Variants in RBFOX1 observed in about 807,000 individuals in gnomAD.
The protein encoded by RBFOX1 is RNA binding fox-1 homolog 1.
In RBFOX1, 8 loss-of-function variants were observed where a neutral mutation model predicts 57.7. The ratio of observed to expected loss-of-function variants is 0.14; its 90% CI spans 0.08 to 0.25. The LOEUF is 0.25. Ranked by LOEUF, RBFOX1 falls within the 10% of genes least tolerant of loss-of-function variation. The probability of loss-of-function intolerance (pLI) is 1.00; values close to 1 mark genes in which losing one functional copy is unlikely to be tolerated. For missense variants in RBFOX1, 611 were observed against 548.5 expected, an observed-to-expected ratio of 1.11 and a Z score of -1.14; for synonymous variants, 326 against 222.4, an observed-to-expected ratio of 1.47 and a Z score of -4.15.
chr16:7,309,340 G>C (rs1341705174), intron 4 of RBFOX1, among the ~76,000 whole-genome samples: 1 of 152,220 alleles, frequency 6.6e-6, no homozygotes, highest in Non-Finnish European at 1.5e-5. Flanking sequence ...TGTGGACATG[G>C]ACTGCAGGGC....
chr16:7,481,085 C>T (rs2063822547), intron 4 of RBFOX1, among the ~76,000 whole-genome samples: 1 of 152,164 alleles, frequency 6.6e-6, no homozygotes, highest in Non-Finnish European at 1.5e-5. Flanking sequence ...TTGCTCCTTA[C>T]ATCTGGACAG....
chr16:6,943,625 G>T (rs940110919), intron 3 of RBFOX1, among the ~76,000 whole-genome samples: 14 of 151,640 alleles, frequency 9.2e-5, no homozygotes, highest in African/African-American at 3.1e-4. Flanking sequence ...GGAGAATGGC[G>T]TGAACCCGGG....
intron 4 of RBFOX1, among the ~76,000 whole-genome samples, chr16:7,262,531 G>C (rs1235311137): frequency 6.6e-6 from 1 of 152,246 alleles, no homozygotes; most frequent in Non-Finnish European, 1.5e-5. Context: ...ACATTTGCAG[G>C]CATGCATAGC....
At chr16:5,775,718 C>A (rs1051518783) in intron 3 of RBFOX1, among the ~76,000 whole-genome samples, 2 of 152,122 alleles carry the variant, frequency 1.3e-5, no homozygotes, top group African/African-American at 2.4e-5. Flanking sequence ...ATCCTTAGAG[C>A]CTGCTAACTT....
At chr16:7,492,202 C>T (rs907795064) in intron 4 of RBFOX1, among the ~76,000 whole-genome samples, 4 of 152,144 alleles carry the variant, frequency 2.6e-5, no homozygotes, top group African/African-American at 7.2e-5. Flanking sequence ...GCATAAAATT[C>T]AGTTCTTTAA....
chr16:6,820,756 C>T (rs984195418), intron 3 of RBFOX1, among the ~76,000 whole-genome samples: 11 of 152,110 alleles, frequency 7.2e-5, no homozygotes, highest in Non-Finnish European at 1.3e-4. Context: ...GGCCTCAAAT[C>T]GATGCTAAGT....
In RBFOX1 at chr16:7,213,279, A is replaced by C. The variant is rs1036574255; in HGVS notation, c.27+161181A>C. Among the ~76,000 whole-genome samples the C allele has an allele frequency of 2.0e-5, 3 of 152,312 alleles. No homozygotes were observed. In the South Asian group the frequency reaches 6.2e-4, roughly 32 times the overall value. ...AGTGGTTCCCCATTCTGGCTGCAAC[A>C]CATTCGCTGAGGTTGCCTTAAAAAA... On this transcript the variant is annotated intron_variant, in intron 4 of 15. Transcript: ENST00000550418.
At chr16:6,720,225 G>A (rs1004360057) in intron 3 of RBFOX1, among the ~76,000 whole-genome samples, 2 of 151,994 alleles carry the variant, frequency 1.3e-5, no homozygotes, top group African/African-American at 2.4e-5. Context: ...GATACTTAAT[G>A]AAATACTGCT....
chr16:6,761,756 C>T (rs1172835345), intron 3 of RBFOX1, among the ~76,000 whole-genome samples: 3 of 151,870 alleles, frequency 2.0e-5, no homozygotes, highest in South Asian at 2.1e-4. Flanking sequence ...CCACCTGCCT[C>T]GGCCCCCTAA....
intron 1 of RBFOX1, among the ~76,000 whole-genome samples, chr16:6,231,618 G>A (rs1006212215): frequency 2.5e-4 from 38 of 152,210 alleles, no homozygotes; most frequent in Admixed American, 1.3e-4. Context: ...CTGAATGGTT[G>A]ATGAGAGCTA....
rs190944421 is a variant in RBFOX1, at chr16:7,101,661, G to C, written c.27+49563G>C. Among the ~76,000 whole-genome samples, 470 of 152,236 alleles carry C rather than the reference G, an allele frequency of 3.1e-3. 5 individuals carry two copies. Among genetic ancestry groups the C allele is most frequent in the Non-Finnish European group, 4.6e-3 (314 of 68,008 alleles). Reference sequence around the variant, plus strand: ...TCAAAGGTACTTTTTTTGAAGGCAAGATTTTAAGGCATGTTAGGGTAGGCA... The same window carrying C: ...TCAAAGGTACTTTTTTTGAAGGCAACATTTTAAGGCATGTTAGGGTAGGCA... On this transcript the variant is annotated intron_variant, in intron 4 of 15. Transcript: ENST00000550418.
intron 2 of RBFOX1, chr16:6,483,305 C>G (rs751873678): frequency 3.6e-6 from 5 of 1,403,276 alleles, no homozygotes; most frequent in Non-Finnish European, 4.6e-6. Flanking sequence ...CGCTCTCGCG[C>G]CCGCGCGCTC....
intron 7 of RBFOX1, among the ~76,000 whole-genome samples, chr16:7,590,475 C>G (rs2094384720): frequency 6.6e-6 from 1 of 151,934 alleles, no homozygotes; most frequent in Non-Finnish European, 1.5e-5. Flanking sequence ...TTTATTTTTC[C>G]TTTTTACGAG....
intron 3 of RBFOX1, among the ~76,000 whole-genome samples, chr16:5,716,589 G>A (rs1318889647): frequency 4.6e-5 from 7 of 152,234 alleles, no homozygotes; most frequent in African/African-American, 4.8e-5. Flanking sequence ...AAAAAGGAAC[G>A]CTTATATGCT....
intron 3 of RBFOX1, among the ~76,000 whole-genome samples, chr16:5,730,323 G>T (rs2052317903): frequency 6.6e-6 from 1 of 152,054 alleles, no homozygotes; most frequent in Non-Finnish European, 1.5e-5. Context: ...TCATGCCTGA[G>T]AAAAAGAATC....
chr16:6,118,777 C>G (rs778839006), intron 1 of RBFOX1, among the ~76,000 whole-genome samples: 5 of 149,448 alleles, frequency 3.3e-5, no homozygotes, highest in Non-Finnish European at 4.4e-5. Context: ...CCCTCTCTTT[C>G]TCCCTCTCTT....
At chr16:6,687,308 TG>T (rs1568216065) in intron 3 of RBFOX1, among the ~76,000 whole-genome samples, 2 of 152,024 alleles carry the variant, frequency 1.3e-5, no homozygotes, top group Non-Finnish European at 2.9e-5. Flanking sequence ...GAGGAGAATG[TG>T]GGGGTAATAA....
chr16:7,128,376 C>T (rs2069181655), intron 4 of RBFOX1, among the ~76,000 whole-genome samples: 1 of 87,066 alleles, frequency 1.1e-5, no homozygotes, highest in South Asian at 3.5e-4. Context: ...GTGTAATGAG[C>T]TAGTCCAAAG....
At chr16:7,226,366 G>A (rs2093121242) in intron 4 of RBFOX1, among the ~76,000 whole-genome samples, 4 of 152,152 alleles carry the variant, frequency 2.6e-5, no homozygotes, top group Admixed American at 2.6e-4. Flanking sequence ...ACCTGAAGAG[G>A]GAAGGAATTT....
Sources: gnomAD v4.1 joint callset for allele counts (sites outside exome capture counted in the v4.1 genomes callset) on GRCh38, gnomAD v4.1.1 for gene constraint, MANE v1.5 for transcripts, NCBI Gene and HGNC (gene_info 2026-07-23, HGNC 2026-07-21) for gene names.